The following FOXF2 variants were observed in gnomAD, a reference collection of about 807,000 sequenced individuals.
FOXF2 encodes forkhead box protein F2.
In FOXF2, 15 loss-of-function variants were observed where a neutral mutation model predicts 29.1. The observed-to-expected ratio is 0.52, with a 90% confidence interval of 0.35 to 0.79. FOXF2 has a LOEUF of 0.79. Among genes scored for constraint, FOXF2 ranks in the 30% least tolerant of loss-of-function variants. The pLI, the probability that FOXF2 is intolerant of heterozygous loss-of-function variation, is 0.01. For synonymous variants in FOXF2, 337 were observed against 316.5 expected (o/e 1.06, Z -0.69); for missense variants, 675 against 667.1 (o/e 1.01, Z -0.13).
chr6:1,390,345 G>C lies in FOXF2; in HGVS notation c.398G>C (p.Arg133Pro). The C allele has an allele frequency of 6.2e-7, 1 of 1,613,136 alleles. No homozygotes were observed. Among genetic ancestry groups the C allele is most frequent in the Non-Finnish European group, 8.5e-7 (1 of 1,179,950 alleles). Residue 133 changes from arginine (R) to proline (P), a missense_variant, in exon 1 of 2, where the codon CGC becomes CCC. By Grantham distance (103) the Arg-to-Pro change is moderately radical. Coordinates refer to ENST00000645481, the MANE Select transcript of FOXF2 (RefSeq NM_001452.2). This position sits in a 1 kb window ranked among gnomAD's most constrained non-coding sequence, Gnocchi z 8.5. The stretch of plus-strand genomic sequence containing the variant: ...GAGATCTACCAGTTCCTGCAGGCGC[G>C]CTTCCCCTTCTTCCGCGGCGCCTAC... ...LSEIYQFLQA[R>P]FPFFRGAYQG...
At chr6:1,393,347 G>A (rs1326814792) in intron 1 of FOXF2, among the ~76,000 whole-genome samples, 1 of 151,906 alleles carries the variant, frequency 6.6e-6, no homozygotes, top group Non-Finnish European at 1.5e-5. Context: ...AAGCGCCGAC[G>A]GCCGCCTTCG....
chr6:1,390,522 G>C lies in FOXF2; in HGVS notation c.575G>C (p.Arg192Pro). Residue 192 changes from arginine to proline, a missense_variant, in exon 1 of 2, where the codon CGG becomes CCG. By Grantham distance (103) the Arg-to-Pro change is moderately radical (BLOSUM62 -2). This residue lies in a region of FOXF2 where 451 missense variants were observed against 437.2 expected (regional missense o/e 1.03). Coordinates refer to ENST00000645481, the MANE Select transcript of FOXF2 (RefSeq NM_001452.2). The surrounding 1 kb of genome is among the most constrained non-coding windows in gnomAD (Gnocchi z 8.5). ...TTCGAGGAGGGCTCGTTCCGCCGCC[G>C]GCCGCGCGGCTTCAGGCGGAAGTGC... ...FMFEEGSFRR[R>P]PRGFRRKCQA... The C allele has an allele frequency of 6.2e-7, 1 of 1,609,844 alleles. No homozygotes were observed. The highest frequency in any genetic ancestry group is 8.5e-7 in the Non-Finnish European group (1 of 1,179,332).
At chr6:1,393,917 G>C (rs1293412784) in intron 1 of FOXF2, among the ~76,000 whole-genome samples, 1 of 152,158 alleles carries the variant, frequency 6.6e-6, no homozygotes, top group African/African-American at 2.4e-5. Context: ...TGCAGGCCGG[G>C]GACCGGGGAG....
chr6:1,391,657 C>T (rs1219979187), intron 1 of FOXF2, among the ~76,000 whole-genome samples: 1 of 151,998 alleles, frequency 6.6e-6, no homozygotes, highest in Non-Finnish European at 1.5e-5. Flanking sequence ...AGAGCTGGAT[C>T]CCAGGATCTT....
chr6:1,390,166 C>T lies in FOXF2; in HGVS notation c.219C>T (p.Cys73=). 1.4e-6 allele frequency: 2 copies of T among 1,465,914 alleles called. No individual in the cohort carries two copies. The highest frequency in any genetic ancestry group is 1.8e-6 in the Non-Finnish European group (2 of 1,104,928). 90.8% of individuals were successfully genotyped at this position (1,465,914 alleles called of 1,614,324 possible). A position where few individuals can be genotyped will look rare whatever the true frequency, so the allele number is the denominator to read the frequency against. Residue 73 remains cysteine (C), a synonymous_variant, in exon 1 of 2, where the codon TGC becomes TGT. Coordinates refer to ENST00000645481, the MANE Select transcript of FOXF2 (RefSeq NM_001452.2). The surrounding 1 kb of genome is among the most constrained non-coding windows in gnomAD (Gnocchi z 8.5). Reference sequence around the variant, plus strand: ...CGGCCAGCGCCCCCTCGGCTGCCTGCAAGAGCGCGGGCGGCGGCGGCGCGG... The same window carrying T: ...CGGCCAGCGCCCCCTCGGCTGCCTGTAAGAGCGCGGGCGGCGGCGGCGCGG... ...SNSASAPSAA[C]KSAGGGGAGA...
Position 1,390,465 on chromosome 6 carries a change from A to G in FOXF2, c.518A>G (p.Tyr173Cys), listed in dbSNP as rs1758758463. The change falls in exon 1 of 2, where the codon TAC (tyrosine) becomes TGC (cysteine). Residue 173 changes from tyrosine to cysteine, a missense_variant. By Grantham distance (194) the Tyr-to-Cys change is radical. Around this residue, in one of 3 missense-constraint regions of FOXF2, gnomAD observed 451 missense variants for 437.2 expected, o/e 1.03. Coordinates refer to ENST00000645481, the MANE Select transcript of FOXF2 (RefSeq NM_001452.2). This position sits in a 1 kb window ranked among gnomAD's most constrained non-coding sequence, Gnocchi z 8.5. ...KGLGRPGKGH[Y>C]WTIDPASEFM... ...CTCGGGCGGCCCGGCAAGGGCCACT[A>G]CTGGACCATCGACCCGGCCAGCGAG... 2.5e-6 allele frequency: 4 copies of G among 1,611,830 alleles called. No homozygotes were observed. The highest frequency in any genetic ancestry group is 1.3e-5 in the African/African-American group (1 of 74,858).
chr6:1,394,781 C>T lies in FOXF2; in HGVS notation c.1257C>T (p.Phe419=). 1 of 1,614,048 alleles carries T rather than the reference C, an allele frequency of 6.2e-7. No individual in the cohort carries two copies. Among genetic ancestry groups the T allele is most frequent in the Non-Finnish European group, 8.5e-7 (1 of 1,179,928 alleles). ...FVLNFNGISS[F]HPSASGSYYH... ...TCAACTTCAATGGGATTTCTTCTTT[C>T]CATCCCTCAGCTAGCGGGTCGTATT... is the stretch of plus-strand genomic sequence containing the variant. The change falls in exon 2 of 2, where the codon TTC becomes TTT. Residue 419 remains phenylalanine, a synonymous_variant. Coordinates refer to ENST00000645481, the MANE Select transcript of FOXF2 (RefSeq NM_001452.2).
Position 1,390,850 on chromosome 6 carries a change from G to C in FOXF2, c.903G>C (p.Gly301=), listed in dbSNP as rs1581261964. The change falls in exon 1 of 2, where the codon GGG becomes GGC. Residue 301 remains glycine, a synonymous_variant. Coordinates refer to ENST00000645481, the MANE Select transcript of FOXF2 (RefSeq NM_001452.2). This position sits in a 1 kb window ranked among gnomAD's most constrained non-coding sequence, Gnocchi z 8.5. Reference sequence around the variant, plus strand: ...GACCCGGGGGCGTCGGTGCGGCCGGGGGCGGCGGCGGCGGCGACTACGGGC... The same window carrying C: ...GACCCGGGGGCGTCGGTGCGGCCGGCGGCGGCGGCGGCGGCGACTACGGGC... The part of the protein sequence containing the change: ...PAGPGGVGAA[G]GGGGGDYGPD... 1 of 1,418,298 alleles carries C rather than the reference G, an allele frequency of 7.1e-7. No homozygotes were observed. The highest frequency in any genetic ancestry group is 9.1e-7 in the Non-Finnish European group (1 of 1,096,244). The allele number at this position is 1,418,298 out of a possible 1,614,324, so 87.9% of individuals were successfully genotyped here.
rs1445979559 is a variant in FOXF2 at position 1,390,800 on chromosome 6, A to G, written c.853A>G (p.Met285Val). 29 of 1,386,528 alleles carry G rather than the reference A, an allele frequency of 2.1e-5. No homozygotes were observed. Among genetic ancestry groups the G allele is most frequent in the African/African-American group, 3.1e-5 (2 of 65,248 alleles). The allele number at this position is 1,386,528 out of a possible 1,614,324, so 85.9% of individuals were successfully genotyped here. A position where few individuals can be genotyped will look rare whatever the true frequency, so the allele number is the denominator to read the frequency against. ...GTCGCCCAACCCGGGTTCCACCTAC[A>G]TGGCCAGCTGCCCGGTGCCCGCGGG... Reference protein sequence around the residue: ...HMSPNPGSTYMASCPVPAGPG... With the variant: ...HMSPNPGSTYVASCPVPAGPG... Residue 285 changes from methionine to valine, a missense_variant, in exon 1 of 2, where the codon ATG becomes GTG. Transcript: ENST00000645481. The surrounding 1 kb of genome is among the most constrained non-coding windows in gnomAD (Gnocchi z 8.5).
In FOXF2 at chr6:1,391,107, A is replaced by G. The variant is rs957430052; in HGVS notation, c.1160A>G (p.Glu387Gly). 5.6e-6 allele frequency: 9 copies of G among 1,601,844 alleles called. No individual in the cohort carries two copies. The highest frequency in any genetic ancestry group is 7.6e-6 in the Non-Finnish European group (9 of 1,179,802). The change falls in exon 1 of 2, where the codon GAG becomes GGG. Residue 387 changes from glutamate (E) to glycine (G), a missense_variant. This residue lies in a region of FOXF2 where 451 missense variants were observed against 437.2 expected (regional missense o/e 1.03). Transcript: ENST00000645481. Reference sequence around the variant, plus strand: ...AGCTACTTGCACCAGAACGCTCGCGAGGACCTCTCAGGTAACGCAGCACGC... The same window carrying G: ...AGCTACTTGCACCAGAACGCTCGCGGGGACCTCTCAGGTAACGCAGCACGC... The part of the protein sequence containing the change: ...EQSYLHQNAR[E>G]DLSVGLPRYQ...
intron 1 of FOXF2, among the ~76,000 whole-genome samples, chr6:1,393,824 G>C (rs1412756821): frequency 6.6e-6 from 1 of 152,242 alleles, no homozygotes; most frequent in East Asian, 1.9e-4. Flanking sequence ...GCAGGGCACT[G>C]CGGGCCGATT....
At chr6:1,391,249 G>A in intron 1 of FOXF2, 131 bp downstream of exon 1, 1 of 1,474,442 alleles carries the variant, frequency 6.8e-7, no homozygotes, top group Non-Finnish European at 9.1e-7. Flanking sequence ...AAAAGCAGAT[G>A]CTGGGGAAAG....
chr6:1,394,716 C>T lies in FOXF2; in HGVS notation c.1192C>T (p.His398Tyr). The T allele has an allele frequency of 6.2e-7, 1 of 1,614,108 alleles. No individual in the cohort carries two copies. Among genetic ancestry groups the T allele is most frequent in the South Asian group, 1.1e-5 (1 of 91,078 alleles). ...TTCAGTGGGACTGCCCCGTTACCAGCATCACTCTACTCCAGTGTGTGACAG... is the reference window on the plus strand; with the variant it reads ...TTCAGTGGGACTGCCCCGTTACCAGTATCACTCTACTCCAGTGTGTGACAG... The part of the protein sequence containing the change: ...DLSVGLPRYQ[H>Y]HSTPVCDRKD... The change falls in exon 2 of 2, where the codon CAT (histidine) becomes TAT (tyrosine). Residue 398 changes from histidine (H) to tyrosine (Y), a missense_variant. This residue lies in a region of FOXF2 where 451 missense variants were observed against 437.2 expected (regional missense o/e 1.03). Coordinates refer to ENST00000645481, the MANE Select transcript of FOXF2 (RefSeq NM_001452.2).
chr6:1,395,258 T>C lies in FOXF2; in HGVS notation c.*399T>C, dbSNP rs1758900096. ...TGTGTGCTTTTCAAAAAGGCAGTGC[T>C]AAGCACAAGATTTCAAGAAAGCCTC... On this transcript the variant is annotated 3_prime_UTR_variant, in exon 2 of 2. Coordinates refer to ENST00000645481, the MANE Select transcript of FOXF2 (RefSeq NM_001452.2). 1.4e-5 allele frequency: 3 copies of C among 216,834 alleles called. No homozygotes were observed. Among genetic ancestry groups the C allele is most frequent in the East Asian group, 2.2e-4 (2 of 9,144 alleles). 13.4% of individuals were successfully genotyped at this position (216,834 alleles called of 1,614,324 possible).
rs761000990 is a variant in FOXF2, at chr6:1,391,167, C to T, written c.1171+49C>T. 1.9e-6 allele frequency: 3 copies of T among 1,592,418 alleles called. No homozygotes were observed. In the South Asian group the frequency reaches 3.3e-5, roughly 18 times the overall value. On this transcript the variant is annotated intron_variant, in intron 1 of 1. Coordinates refer to ENST00000645481, the MANE Select transcript of FOXF2 (RefSeq NM_001452.2). ...GCCAGCTGGGCGCACCGCTTCTAGG[C>T]CTCCAGGGCTGGCGGCCACTGCCAC...
Position 1,390,529 on chromosome 6 carries a change from C to T in FOXF2, c.582C>T (p.Arg194=), listed in dbSNP as rs1403225583. The T allele has an allele frequency of 4.4e-6, 7 of 1,609,028 alleles. No homozygotes were observed. The highest frequency in any genetic ancestry group is 5.9e-6 in the Non-Finnish European group (7 of 1,179,270). The change falls in exon 1 of 2, where the codon CGC becomes CGT. Residue 194 remains arginine (R), a synonymous_variant. Transcript: ENST00000645481. This position sits in a 1 kb window ranked among gnomAD's most constrained non-coding sequence, Gnocchi z 8.5. ...FEEGSFRRRP[R]GFRRKCQALK... is the part of the protein sequence containing the mutation. ...AGGGCTCGTTCCGCCGCCGGCCGCG[C>T]GGCTTCAGGCGGAAGTGCCAGGCGC...
intron 1 of FOXF2, among the ~76,000 whole-genome samples, chr6:1,393,042 C>A (rs1420040777): frequency 6.6e-6 from 1 of 152,228 alleles, no homozygotes; most frequent in East Asian, 1.9e-4. Flanking sequence ...TGCACCGGGA[C>A]CCCGCGGGGC....
intron 1 of FOXF2, among the ~76,000 whole-genome samples, chr6:1,392,548 G>C (rs1758811335): frequency 6.7e-6 from 1 of 149,526 alleles, no homozygotes; most frequent in South Asian, 2.1e-4. Context: ...TGCCCTCCCT[G>C]CTCCCCTTCT....
chr6:1,390,312 C>A lies in FOXF2; in HGVS notation c.365C>A (p.Thr122Lys). The change falls in exon 1 of 2, where the codon ACG becomes AAG. Residue 122 changes from threonine to lysine, a missense_variant. By Grantham distance (78) the Thr-to-Lys change is moderately conservative. Transcript: ENST00000645481. This position sits in a 1 kb window ranked among gnomAD's most constrained non-coding sequence, Gnocchi z 8.5. ...AIQSSPSKRL[T>K]LSEIYQFLQA... ...CAGAGCTCGCCCAGCAAGCGCCTGACGCTCAGCGAGATCTACCAGTTCCTG... is the reference window on the plus strand; with the variant it reads ...CAGAGCTCGCCCAGCAAGCGCCTGAAGCTCAGCGAGATCTACCAGTTCCTG... 1 of 1,613,290 alleles carries A rather than the reference C, an allele frequency of 6.2e-7. No homozygotes were observed. The highest frequency in any genetic ancestry group is 8.5e-7 in the Non-Finnish European group (1 of 1,179,912).
Sources: allele counts gnomAD v4.1 joint callset (sites outside exome capture counted in the v4.1 genomes callset), GRCh38; gene constraint gnomAD v4.1.1; regional missense constraint gnomAD v4.1.1; non-coding constraint Gnocchi (gnomAD v3.1); transcripts MANE v1.5; gene names NCBI Gene and HGNC (gene_info 2026-07-23, HGNC 2026-07-21).